The following STPG2 variants were observed in gnomAD, a reference collection of about 807,000 sequenced individuals.
STPG2 encodes sperm-tail PG-rich repeat-containing protein 2.
STPG2 carries 56 observed loss-of-function variants against 54.2 expected under a neutral mutation model. The observed-to-expected ratio is 1.03, with a 90% confidence interval of 0.83 to 1.29. The LOEUF (loss-of-function observed/expected upper bound fraction) is 1.29. Ranked by LOEUF, STPG2 falls within the 50% of genes most tolerant of loss-of-function variation. STPG2 has a pLI of 0.00. For synonymous variants in STPG2, 200 were observed against 181.8 expected (o/e 1.10, Z -0.81); for missense variants, 596 against 544.9 (o/e 1.09, Z -0.93).
intron 9 of STPG2, among the ~76,000 whole-genome samples, chr4:97,797,869 GT>G (rs1727252609): frequency 6.6e-6 from 1 of 152,198 alleles, no homozygotes; most frequent in Non-Finnish European, 1.5e-5. Flanking sequence ...TTCAGAGCCT[GT>G]TATTGGTCTA....
intron 4 of STPG2, among the ~76,000 whole-genome samples, chr4:97,450,606 CA>C (rs1323111523): frequency 2.0e-5 from 3 of 151,984 alleles, no homozygotes; most frequent in African/African-American, 7.3e-5. Flanking sequence ...ACTCCAGACT[CA>C]AAGATCAACA....
At chr4:97,890,332 C>T (rs1730719648) in intron 8 of STPG2, among the ~76,000 whole-genome samples, 2 of 152,006 alleles carry the variant, frequency 1.3e-5, no homozygotes, top group Non-Finnish European at 2.9e-5. Context: ...ACTCACAAGA[C>T]TTGCCAACAC....
chr4:98,143,178 G>A lies in STPG2; in HGVS notation c.-28C>T, dbSNP rs573387136. The A allele has an allele frequency of 3.3e-5, 52 of 1,574,698 alleles. No homozygotes were observed. Among genetic ancestry groups the A allele is most frequent in the African/African-American group, 5.4e-5 (4 of 74,108 alleles). On this transcript the variant is annotated 5_prime_UTR_variant, in exon 1 of 11. Coordinates refer to ENST00000295268, the MANE Select transcript of STPG2 (RefSeq NM_174952.3). ...TGCTCGGGGTGGTGGGGGCGCTGGGGAAGGGCAGGTGCCGAAAACGATAAA... is the reference window on the plus strand; with the variant it reads ...TGCTCGGGGTGGTGGGGGCGCTGGGAAAGGGCAGGTGCCGAAAACGATAAA...
intron 7 of STPG2, among the ~76,000 whole-genome samples, chr4:97,960,061 G>T (rs1733829782): frequency 6.6e-6 from 1 of 152,088 alleles, no homozygotes; most frequent in South Asian, 2.1e-4. Context: ...GTCAATAATT[G>T]TGATACATCA....
At chr4:97,853,538 A>G (rs765355813) in intron 8 of STPG2, among the ~76,000 whole-genome samples, 1 of 152,214 alleles carries the variant, frequency 6.6e-6, no homozygotes, top group Non-Finnish European at 1.5e-5. Flanking sequence ...TTGATTAAAT[A>G]AACAAAAAAA....
intron 8 of STPG2, among the ~76,000 whole-genome samples, chr4:97,929,593 A>T (rs1339819128): frequency 6.6e-6 from 1 of 152,052 alleles, no homozygotes; most frequent in Non-Finnish European, 1.5e-5. Flanking sequence ...ATGGTATCTC[A>T]GTATAGTTTT....
chr4:97,491,269 A>G (rs1730497940), intron 4 of STPG2, among the ~76,000 whole-genome samples: 1 of 151,572 alleles, frequency 6.6e-6, no homozygotes, highest in Non-Finnish European at 1.5e-5. Context: ...ACTTGCCCTC[A>G]GCTTCTTAAT....
intron 4 of STPG2, among the ~76,000 whole-genome samples, chr4:97,452,086 C>T (rs1390286710): frequency 6.8e-6 from 1 of 147,470 alleles, no homozygotes; most frequent in African/African-American, 2.5e-5. Context: ...AGCCAGTCCT[C>T]CTGCTCCATA....
At chr4:97,970,812 G>T (rs2149256042) in intron 7 of STPG2, among the ~76,000 whole-genome samples, 1 of 152,274 alleles carries the variant, frequency 6.6e-6, no homozygotes, top group Non-Finnish European at 1.5e-5. Flanking sequence ...TGACAAATGG[G>T]ATCTAATTAA....
At chr4:97,663,759 T>C (rs1365512308) in intron 10 of STPG2, among the ~76,000 whole-genome samples, 3 of 152,190 alleles carry the variant, frequency 2.0e-5, no homozygotes, top group Non-Finnish European at 2.9e-5. Flanking sequence ...GTTAGCCTTT[T>C]ATCTGTAGGC....
intron 10 of STPG2, among the ~76,000 whole-genome samples, chr4:97,571,744 C>T (rs140710123): frequency 6.6e-6 from 1 of 152,246 alleles, no homozygotes; most frequent in African/African-American, 2.4e-5. Context: ...AACCAAGCTG[C>T]GCCCCGACCA....
chr4:98,139,932 G>A (rs974120266), intron 1 of STPG2, among the ~76,000 whole-genome samples: 1 of 152,120 alleles, frequency 6.6e-6, no homozygotes, highest in South Asian at 2.1e-4. Flanking sequence ...TAAAAACTAG[G>A]AATAATGGAG....
At chr4:97,711,281 T>C (rs1724109462) in intron 10 of STPG2, among the ~76,000 whole-genome samples, 1 of 152,120 alleles carries the variant, frequency 6.6e-6, no homozygotes, top group African/African-American at 2.4e-5. Flanking sequence ...ACCAATACCT[T>C]ATTAATCAAT....
chr4:97,775,981 C>T (rs1056327359), intron 9 of STPG2, among the ~76,000 whole-genome samples: 3 of 152,042 alleles, frequency 2.0e-5, no homozygotes, highest in Non-Finnish European at 4.4e-5. Flanking sequence ...AGACTGGTCT[C>T]GAACTCCTGA....
intron 10 of STPG2, among the ~76,000 whole-genome samples, chr4:97,582,158 A>G (rs1732878596): frequency 6.6e-6 from 1 of 152,000 alleles, no homozygotes; most frequent in South Asian, 2.1e-4. Flanking sequence ...GTTCCCTCTC[A>G]TTATGCAAGA....
chr4:97,541,491 A>G (rs1731704313), intron 4 of STPG2, among the ~76,000 whole-genome samples: 1 of 152,212 alleles, frequency 6.6e-6, no homozygotes, highest in Non-Finnish European at 1.5e-5. Flanking sequence ...AAATGGAAGA[A>G]TATTCCATGC....
At chr4:97,901,445 T>A (rs542196880) in intron 8 of STPG2, among the ~76,000 whole-genome samples, 18 of 152,062 alleles carry the variant, frequency 1.2e-4, no homozygotes, top group Non-Finnish European at 2.1e-4. Flanking sequence ...CTCTAAAGAC[T>A]ACTGCCCCCC....
At chr4:97,981,355 A>G in intron 5 of STPG2, 37 bp from the exon 6 acceptor site, 1 of 1,604,368 alleles carries the variant, frequency 6.2e-7, no homozygotes, top group Non-Finnish European at 8.5e-7. Context: ...ATAAGAAAGT[A>G]TAGTACATTT....
intron 5 of STPG2, among the ~76,000 whole-genome samples, chr4:98,083,671 A>G (rs1456282859): frequency 6.6e-6 from 1 of 152,180 alleles, no homozygotes; most frequent in East Asian, 1.9e-4. Context: ...ATGCCTTCTC[A>G]CCACTTATAT....
Sources: allele counts gnomAD v4.1 joint callset (sites outside exome capture counted in the v4.1 genomes callset), GRCh38; gene constraint gnomAD v4.1.1; transcripts MANE v1.5; gene names NCBI Gene and HGNC (gene_info 2026-07-23, HGNC 2026-07-21).